The following VCPIP1 variants were observed in gnomAD, a reference collection of about 807,000 sequenced individuals.
VCPIP1 encodes the protein valosin containing protein interacting protein 1.
VCPIP1 carries 8 observed loss-of-function variants against 85.0 expected under a neutral mutation model. The ratio of observed to expected loss-of-function variants is 0.09; its 90% CI spans 0.06 to 0.17. VCPIP1 has a LOEUF of 0.17. Among genes scored for constraint, VCPIP1 ranks in the 10% least tolerant of loss-of-function variants. The pLI, the probability that VCPIP1 is intolerant of heterozygous loss-of-function variation, is 1.00. For synonymous variants in VCPIP1, 543 were observed against 544.5 expected, an observed-to-expected ratio of 1.00 and a Z score of 0.04; for missense variants, 1,070 against 1,486.3, an observed-to-expected ratio of 0.72 and a Z score of 4.61.
At chr8:66,659,261 A>G (rs1441451036) in intron 1 of VCPIP1, among the ~76,000 whole-genome samples, 1 of 151,502 alleles carries the variant, frequency 6.6e-6, no homozygotes, top group Non-Finnish European at 1.5e-5. Context: ...CAGTGGCGCA[A>G]TCTTGGCTCA....
rs1039338076 is a variant in VCPIP1 at position 66,635,113 on chromosome 8, A to C, written c.3057T>G (p.Leu1019=). 2.5e-6 allele frequency: 4 copies of C among 1,614,060 alleles called. No individual in the cohort carries two copies. The African/African-American group carries it at 5.3e-5, about 22-fold the overall frequency. ...TTCCCTGAAAGGCAGTTACGTTATG[A>C]AGTTGCTCAGATTTCTTTTTCACTA... ...GGVVKKKSEQ[L]HNVTAFQGKG... is the part of the protein sequence containing the mutation. The change falls in exon 3 of 3, where the codon CTT becomes CTG. Residue 1019 remains leucine, a synonymous_variant. Coordinates refer to ENST00000310421, the MANE Select transcript of VCPIP1 (RefSeq NM_025054.5).
rs899203176 is a variant in VCPIP1 at position 66,634,052 on chromosome 8, C to G, written c.*449G>C. 6.5e-6 allele frequency: 1 copy of G among 153,466 alleles called. No individual in the cohort carries two copies. Among genetic ancestry groups the G allele is most frequent in the Non-Finnish European group, 1.5e-5 (1 of 68,726 alleles). 9.5% of individuals were successfully genotyped at this position (153,466 alleles called of 1,614,324 possible). A position where few individuals can be genotyped will look rare whatever the true frequency, so the allele number is the denominator to read the frequency against. On this transcript the variant is annotated 3_prime_UTR_variant, in exon 3 of 3. Transcript: ENST00000310421. ...ATGAATTTTAAGATACAATTTAGTT[C>G]AGATAAAATTCAAGTTTACATAAAC... is the stretch of plus-strand genomic sequence containing the variant.
chr8:66,665,794 T>C lies in VCPIP1; in HGVS notation c.1165A>G (p.Ile389Val), dbSNP rs765996884. 1.2e-6 allele frequency: 2 copies of C among 1,614,212 alleles called. No homozygotes were observed. Among genetic ancestry groups the C allele is most frequent in the East Asian group, 2.2e-5 (1 of 44,890 alleles). ...GVPQDLIKKYIKLEEDGGCVI... is the reference protein window; with the variant it reads ...GVPQDLIKKYVKLEEDGGCVI... ...CAACCACCATCCTCTTCAAGTTTTA[T>C]GTACTTTTTAATAAGGTCCTGAGGC... The change falls in exon 1 of 3, where the codon ATA becomes GTA. Residue 389 changes from isoleucine to valine, a missense_variant. Around this residue, in one of 8 missense-constraint regions of VCPIP1, gnomAD observed 83 missense variants for 134.6 expected, o/e 0.62. Coordinates refer to ENST00000310421, the MANE Select transcript of VCPIP1 (RefSeq NM_025054.5). This position sits in a 1 kb window ranked among gnomAD's most constrained non-coding sequence, Gnocchi z 4.3.
At chr8:66,636,805 A>C (rs1339976671) in intron 2 of VCPIP1, among the ~76,000 whole-genome samples, 1 of 151,862 alleles carries the variant, frequency 6.6e-6, no homozygotes, top group Non-Finnish European at 1.5e-5. Context: ...CAGTGAGCCC[A>C]GATCATGCCA....
rs1810844459 is a variant in VCPIP1, at chr8:66,632,507, T to G, written c.*1994A>C. 6.6e-6 allele frequency: 1 copy of G among 152,128 alleles called. No homozygotes were observed. Among genetic ancestry groups the G allele is most frequent in the Non-Finnish European group, 1.5e-5 (1 of 67,950 alleles). The allele number at this position is 152,128 out of a possible 1,614,324, so 9.4% of individuals were successfully genotyped here. A position where few individuals can be genotyped will look rare whatever the true frequency, so the allele number is the denominator to read the frequency against. On this transcript the variant is annotated 3_prime_UTR_variant, in exon 3 of 3. Coordinates refer to ENST00000310421, the MANE Select transcript of VCPIP1 (RefSeq NM_025054.5). ...CTAACATTCACATACGCATTCCAAT[T>G]TGCACTAAATGTAAGAATAGGGAGA...
At chr8:66,661,893 A>C (rs1185044820) in intron 1 of VCPIP1, among the ~76,000 whole-genome samples, 2 of 150,224 alleles carry the variant, frequency 1.3e-5, no homozygotes, top group African/African-American at 2.4e-5. Context: ...CCTCCTGACA[A>C]GCTGGGACTA....
Position 66,631,567 on chromosome 8 carries a change from A to C in VCPIP1, c.*2934T>G, listed in dbSNP as rs1360225029. On this transcript the variant is annotated 3_prime_UTR_variant, in exon 3 of 3. Coordinates refer to ENST00000310421, the MANE Select transcript of VCPIP1 (RefSeq NM_025054.5). ...ATGAAGATACTTAAAAATAATGGCA[A>C]TAAGGACCTGTGGCCAGGAATTACA... is the stretch of plus-strand genomic sequence containing the variant. 2 of 154,536 alleles carry C rather than the reference A, an allele frequency of 1.3e-5. No homozygotes were observed. The highest frequency in any genetic ancestry group is 4.8e-5 in the African/African-American group (2 of 41,516). 9.6% of individuals were successfully genotyped at this position (154,536 alleles called of 1,614,324 possible).
At chr8:66,656,118 T>C (rs568251595) in intron 1 of VCPIP1, among the ~76,000 whole-genome samples, 2 of 152,196 alleles carry the variant, frequency 1.3e-5, no homozygotes, top group South Asian at 4.1e-4. Context: ...TTTTTTCTAA[T>C]AAAATTATGG....
intron 2 of VCPIP1, among the ~76,000 whole-genome samples, chr8:66,645,735 C>T (rs1464049362): frequency 1.1e-5 from 1 of 92,630 alleles, no homozygotes; most frequent in African/African-American, 4.5e-5. Flanking sequence ...GCCTGGGCAG[C>T]AATATGGCAA....
intron 1 of VCPIP1, chr8:66,653,632 A>C (rs560872884): frequency 6.6e-6 from 1 of 152,318 alleles, no homozygotes; most frequent in South Asian, 2.1e-4. Context: ...CTCAGAACTG[A>C]CCAACTGATT....
intron 1 of VCPIP1, among the ~76,000 whole-genome samples, chr8:66,654,095 G>C (rs1586627346): frequency 6.6e-6 from 1 of 152,322 alleles, no homozygotes; most frequent in African/African-American, 2.4e-5. Context: ...ACTCTTCCAA[G>C]ATCACACAGC....
In VCPIP1 at chr8:66,637,225, C is replaced by T. The variant is rs937613740; in HGVS notation, c.2798-1853G>A. Among the ~76,000 whole-genome samples the T allele has an allele frequency of 9.9e-5, 15 of 151,942 alleles. 1 individual carries two copies. The highest frequency in any genetic ancestry group is 2.4e-4 in the African/African-American group (10 of 41,358). On this transcript the variant is annotated intron_variant, in intron 2 of 2. Coordinates refer to ENST00000310421, the MANE Select transcript of VCPIP1 (RefSeq NM_025054.5). ...GGTTAGCTGAGGGTGATGGCATACA[C>T]CTATAGTCTCAGCTTTTTGGGAGGC... is the stretch of plus-strand genomic sequence containing the variant.
rs767565042 is a variant in VCPIP1 at position 66,628,972 on chromosome 8, G to A, written c.*5529C>T. On this transcript the variant is annotated 3_prime_UTR_variant, in exon 3 of 3. Coordinates refer to ENST00000310421, the MANE Select transcript of VCPIP1 (RefSeq NM_025054.5). ...GTGTTGCACATGGTCATAAATGTTT[G>A]AATGTACAACCCCCCATTTTTTAGT... The A allele has an allele frequency of 1.3e-5, 2 of 152,192 alleles. No individual in the cohort carries two copies. Among genetic ancestry groups the A allele is most frequent in the Admixed American group, 1.3e-4 (2 of 15,276 alleles). 9.4% of individuals were successfully genotyped at this position (152,192 alleles called of 1,614,324 possible).
At chr8:66,664,166 T>A in intron 1 of VCPIP1, 83 bp downstream of exon 1, 1 of 1,406,332 alleles carries the variant, frequency 7.1e-7, no homozygotes, top group Non-Finnish European at 9.4e-7. Context: ...GGCTACAGAT[T>A]TCTTTTCCCC....
At chr8:66,638,683 G>T (rs1810913847) in intron 2 of VCPIP1, among the ~76,000 whole-genome samples, 1 of 151,908 alleles carries the variant, frequency 6.6e-6, no homozygotes, top group Non-Finnish European at 1.5e-5. Context: ...GGAGGCTGAG[G>T]CAGGAGAATG....
At chr8:66,663,641 C>A (rs1442893108) in intron 1 of VCPIP1, among the ~76,000 whole-genome samples, 2 of 152,182 alleles carry the variant, frequency 1.3e-5, no homozygotes, top group African/African-American at 4.8e-5. Flanking sequence ...TTCTCATGAA[C>A]TACAACTTAT....
chr8:66,641,531 T>C (rs1336103741), intron 2 of VCPIP1, among the ~76,000 whole-genome samples: 1 of 152,176 alleles, frequency 6.6e-6, no homozygotes, highest in African/African-American at 2.4e-5. Context: ...AGCCAGTTTT[T>C]AGCGTATTCA....
At chr8:66,649,482 C>G (rs1464633717) in intron 2 of VCPIP1, among the ~76,000 whole-genome samples, 1 of 152,052 alleles carries the variant, frequency 6.6e-6, no homozygotes, top group African/African-American at 2.4e-5. Flanking sequence ...GCACTCCAGC[C>G]CAGGAGATAG....
At chr8:66,653,757 C>A (rs1412226059) in intron 1 of VCPIP1, among the ~76,000 whole-genome samples, 3 of 152,168 alleles carry the variant, frequency 2.0e-5, no homozygotes, top group African/African-American at 7.2e-5. Context: ...TTATCTCCCC[C>A]TAAGGAGCCT....
Sources: gnomAD v4.1 joint callset for allele counts (sites outside exome capture counted in the v4.1 genomes callset) on GRCh38, gnomAD v4.1.1 for gene constraint, gnomAD v4.1.1 regional missense constraint, Gnocchi (gnomAD v3.1) non-coding constraint, MANE v1.5 for transcripts, NCBI Gene and HGNC (gene_info 2026-07-23, HGNC 2026-07-21) for gene names.